Variants in AFAP1 observed in about 807,000 individuals in gnomAD.
AFAP1 encodes the protein actin filament-associated protein 1.
In AFAP1, 75 loss-of-function variants were observed where a neutral mutation model predicts 93.9. The ratio of observed to expected loss-of-function variants is 0.80; its 90% confidence interval spans 0.66 to 0.97. The LOEUF (loss-of-function observed/expected upper bound fraction) is 0.97. Among genes scored for constraint, AFAP1 ranks in the 50% least tolerant of loss-of-function variants. AFAP1 has a pLI of 0.00. For missense variants in AFAP1, 1,201 were observed against 1,050.8 expected (o/e 1.14, Z -1.98); for synonymous variants, 517 against 430.7 (o/e 1.20, Z -2.48).
In AFAP1 at chr4:7,844,190, A is replaced by G. The variant is rs111888298; in HGVS notation, c.335-840T>C. Among the ~76,000 whole-genome samples, 179 of 152,072 alleles carry G rather than the reference A, an allele frequency of 1.2e-3. 2 individuals are homozygous for G. Among genetic ancestry groups the G allele is most frequent in the African/African-American group, 4.0e-3 (165 of 41,492 alleles). On this transcript the variant is annotated intron_variant, in intron 4 of 17. Transcript: ENST00000420658. ...GTGTTGAAGCTCTAACCATATGACT[A>G]TATGTAGAGATAGGACTTTTAGGAG...
At chr4:7,796,484 T>C (rs1432460408) in intron 10 of AFAP1, among the ~76,000 whole-genome samples, 3 of 152,132 alleles carry the variant, frequency 2.0e-5, no homozygotes, top group Non-Finnish European at 4.4e-5. Flanking sequence ...GCGCAGTGGC[T>C]CACGCCTGTA....
At chr4:7,770,396 G>C (rs1203206908) in intron 16 of AFAP1, among the ~76,000 whole-genome samples, 1 of 152,136 alleles carries the variant, frequency 6.6e-6, no homozygotes, top group Non-Finnish European at 1.5e-5. Flanking sequence ...GAATGCCGGG[G>C]GTCACCATGA....
At chr4:7,932,555 G>A (rs570765950) in intron 1 of AFAP1, among the ~76,000 whole-genome samples, 2 of 152,282 alleles carry the variant, frequency 1.3e-5, no homozygotes, top group South Asian at 2.1e-4. Flanking sequence ...CCATATGGGT[G>A]TTTCTTCCAA....
At chr4:7,832,377 G>A (rs564144968) in intron 6 of AFAP1, among the ~76,000 whole-genome samples, 7 of 152,028 alleles carry the variant, frequency 4.6e-5, no homozygotes, top group South Asian at 4.2e-4. Flanking sequence ...GGCAGACAGC[G>A]GTGGGAGCCA....
chr4:7,865,474 T>C (rs1716294457), intron 3 of AFAP1, among the ~76,000 whole-genome samples: 2 of 152,228 alleles, frequency 1.3e-5, no homozygotes, highest in African/African-American at 4.8e-5. Context: ...TGACCAGTTC[T>C]GACTATGCCA....
At position 7,761,503 on chromosome 4, in the gene AFAP1, C is replaced by G. The variant is rs1444478840; in HGVS notation, c.*2262G>C. Reference sequence around the variant, plus strand: ...GGAAGCTGGTGGGTGACGGCTAAGGCCCACGTGACACTTTGCGTGCTGCTC... The same window carrying G: ...GGAAGCTGGTGGGTGACGGCTAAGGGCCACGTGACACTTTGCGTGCTGCTC... On this transcript the variant is annotated 3_prime_UTR_variant, in exon 18 of 18. Transcript: ENST00000420658. The G allele has an allele frequency of 6.6e-6, 1 of 152,276 alleles. No individual in the cohort carries two copies. Among genetic ancestry groups the G allele is most frequent in the Non-Finnish European group, 1.5e-5 (1 of 68,066 alleles). 9.4% of individuals were successfully genotyped at this position (152,276 alleles called of 1,614,324 possible). A position where few individuals can be genotyped will look rare whatever the true frequency, so the allele number is the denominator to read the frequency against.
Position 7,919,808 on chromosome 4 carries a change from C to G in AFAP1, c.-3+19848G>C, listed in dbSNP as rs561694092. ...CACTCTCCCTCCCCTCGCCCCACCC[C>G]CAACAGGCCCCAGAGTGTGTTGTTC... is the stretch of plus-strand genomic sequence containing the variant. On this transcript the variant is annotated intron_variant, in intron 1 of 17. Transcript: ENST00000420658. 7.9e-5 allele frequency among the ~76,000 whole-genome samples: 12 copies of G among 152,158 alleles called. No homozygotes were observed. The South Asian group carries it at 2.5e-3, about 32-fold the overall frequency.
At position 7,800,487 on chromosome 4, in the gene AFAP1, C is replaced by G; in HGVS notation, c.1221G>C (p.Leu407=). The G allele has an allele frequency of 3.7e-6, 6 of 1,614,216 alleles. No homozygotes were observed. Among genetic ancestry groups the G allele is most frequent in the Non-Finnish European group, 5.1e-6 (6 of 1,180,042 alleles). The part of the protein sequence containing the change: ...VIPGLDSKHP[L]TFRLLRNGQE... ...GGCCGTTGCGCAGCAGCCGGAACGT[C>G]AGAGGATGTTTAGAATCCAAACCCG... Residue 407 remains leucine, a synonymous_variant, in exon 10 of 18, where the codon CTG becomes CTC. Coordinates refer to ENST00000420658, the MANE Select transcript of AFAP1 (RefSeq NM_001134647.2).
intron 10 of AFAP1, 126 bp downstream of exon 10, chr4:7,800,316 G>T: frequency 1.1e-6 from 1 of 931,922 alleles, no homozygotes; most frequent in African/African-American, 1.6e-5. Context: ...AAAAGAGGGT[G>T]GGCCCAAAAG....
At chr4:7,864,634 C>T (rs1306981322) in intron 3 of AFAP1, among the ~76,000 whole-genome samples, 1 of 152,204 alleles carries the variant, frequency 6.6e-6, no homozygotes, top group African/African-American at 2.4e-5. Context: ...AGGCTCCTCC[C>T]TGGGGTGCCC....
At chr4:7,836,907 T>TA (rs34078506) in intron 6 of AFAP1, among the ~76,000 whole-genome samples, 45,846 of 151,726 alleles carry the variant, frequency 0.3, 7,435 homozygotes, top group Middle Eastern at 0.39. Context: ...AAAGCTGTTA[T>TA]AAAAAAAGAT....
chr4:7,778,802 C>G lies in AFAP1; in HGVS notation c.1857G>C (p.Lys619Asn). ...GKGKTLSSQP[K>N]KADPAAVVKR... ...TCACAACAGCCGCGGGATCCGCTTT[C>G]TTTGGCTGACTGCTCAGAGTCTTCC... The change falls in exon 14 of 18, where the codon AAG (lysine) becomes AAC (asparagine). Residue 619 changes from lysine to asparagine, a missense_variant. Lys to Asn is a moderately conservative substitution (Grantham distance 94, BLOSUM62 0). Transcript: ENST00000420658. The G allele has an allele frequency of 2.5e-6, 4 of 1,614,250 alleles. No homozygotes were observed. Among genetic ancestry groups the G allele is most frequent in the Non-Finnish European group, 2.5e-6 (3 of 1,180,044 alleles).
At chr4:7,820,894 G>A (rs1399570001) in intron 6 of AFAP1, among the ~76,000 whole-genome samples, 4 of 152,098 alleles carry the variant, frequency 2.6e-5, no homozygotes, top group African/African-American at 4.8e-5. Context: ...TGAGGTGGGC[G>A]GATCACCAGA....
intron 14 of AFAP1, 75 bp downstream of exon 14, chr4:7,778,687 G>C: frequency 7.0e-7 from 1 of 1,422,494 alleles, no homozygotes. Context: ...ACTCACGGGT[G>C]GGCAGGCTCA....
At chr4:7,859,130 G>C (rs542807511) in intron 3 of AFAP1, among the ~76,000 whole-genome samples, 4 of 152,160 alleles carry the variant, frequency 2.6e-5, no homozygotes, top group South Asian at 2.1e-4. Context: ...AAGGCAACAA[G>C]GGTCCTTGGG....
chr4:7,852,011 C>T (rs796345066), intron 4 of AFAP1, among the ~76,000 whole-genome samples: 27 of 152,322 alleles, frequency 1.8e-4, no homozygotes, highest in African/African-American at 6.0e-4. Context: ...AGGAAATTCA[C>T]TGATCTTGCC....
chr4:7,892,932 T>C (rs939830952), intron 1 of AFAP1, among the ~76,000 whole-genome samples: 3 of 152,040 alleles, frequency 2.0e-5, no homozygotes, highest in African/African-American at 4.8e-5. Flanking sequence ...AAAAAGACCA[T>C]CAAGAGAACA....
At chr4:7,899,214 G>A (rs1718976141) in intron 1 of AFAP1, among the ~76,000 whole-genome samples, 1 of 152,034 alleles carries the variant, frequency 6.6e-6, no homozygotes, top group Non-Finnish European at 1.5e-5. Flanking sequence ...AATGAACTAA[G>A]TTTTGCACCT....
chr4:7,844,719 C>T (rs1713486143), intron 4 of AFAP1, among the ~76,000 whole-genome samples: 2 of 152,252 alleles, frequency 1.3e-5, no homozygotes, highest in Non-Finnish European at 2.9e-5. Context: ...CTTGGAAGGG[C>T]CAATGGCGTA....
Sources: allele counts gnomAD v4.1 joint callset (sites outside exome capture counted in the v4.1 genomes callset), GRCh38; gene constraint gnomAD v4.1.1; transcripts MANE v1.5; gene names NCBI Gene and HGNC (gene_info 2026-07-23, HGNC 2026-07-21).